The following TACR3 variants were observed in gnomAD, a reference collection of about 807,000 sequenced individuals.
TACR3 encodes the protein neuromedin-K receptor.
In TACR3, 34 loss-of-function variants were observed where a neutral mutation model predicts 35.0. The ratio of observed to expected loss-of-function variants is 0.97; its 90% CI spans 0.74 to 1.30. TACR3 has a LOEUF of 1.30. Ranked by LOEUF, TACR3 falls within the 50% of genes most tolerant of loss-of-function variation. The probability of loss-of-function intolerance (pLI) is 0.00; values close to 1 mark genes in which losing one functional copy is unlikely to be tolerated. For synonymous variants in TACR3, 233 were observed against 221.1 expected (o/e 1.05, Z -0.48); for missense variants, 558 against 591.7 (o/e 0.94, Z 0.59).
At chr4:103,604,811 G>GTATAATAATAAAA (rs1418659140) in intron 3 of TACR3, among the ~76,000 whole-genome samples, 1 of 147,594 alleles carries the variant, frequency 6.8e-6, no homozygotes, top group Non-Finnish European at 1.5e-5. Flanking sequence ...GGTCATTAGA[G>GTATAATAATAAAA]AGATAATAAT....
chr4:103,645,575 A>G (rs3796966), intron 3 of TACR3, among the ~76,000 whole-genome samples: 55,143 of 151,800 alleles, frequency 0.36, 10,666 homozygotes, highest in African/African-American at 0.5. Context: ...TAATTATCTT[A>G]ACTATAAATC....
chr4:103,632,550 T>G (rs1180242440), intron 3 of TACR3, among the ~76,000 whole-genome samples: 14 of 126,806 alleles, frequency 1.1e-4, no homozygotes, highest in East Asian at 2.2e-4. Flanking sequence ...GGGTGGGGGG[T>G]GAGGGGAGGG....
At chr4:103,644,352 A>G (rs1725417583) in intron 3 of TACR3, among the ~76,000 whole-genome samples, 1 of 151,902 alleles carries the variant, frequency 6.6e-6, no homozygotes, top group Admixed American at 6.6e-5. Flanking sequence ...CAGAAGTTTC[A>G]GATGTTTTCT....
At chr4:103,635,227 T>A (rs1489736850) in intron 3 of TACR3, among the ~76,000 whole-genome samples, 5 of 151,990 alleles carry the variant, frequency 3.3e-5, no homozygotes, top group Non-Finnish European at 7.4e-5. Flanking sequence ...CTAAAACATT[T>A]GCCTAAATGT....
intron 1 of TACR3, among the ~76,000 whole-genome samples, chr4:103,701,390 A>C (rs866456533): frequency 0.013 from 1,950 of 151,892 alleles, 17 homozygotes; most frequent in South Asian, 0.021. Flanking sequence ...CTGCTCAATG[A>C]AATAAAAGAG....
At chr4:103,702,818 A>G (rs1230096571) in intron 1 of TACR3, among the ~76,000 whole-genome samples, 5 of 148,498 alleles carry the variant, frequency 3.4e-5, no homozygotes, top group South Asian at 2.2e-4. Flanking sequence ...ACCAAACATC[A>G]CATGTTCTCA....
At chr4:103,712,444 C>T (rs1393108187) in intron 1 of TACR3, among the ~76,000 whole-genome samples, 3 of 152,100 alleles carry the variant, frequency 2.0e-5, no homozygotes, top group Non-Finnish European at 4.4e-5. Context: ...AAACTGGATC[C>T]CTTCCTTACA....
chr4:103,613,822 C>T (rs1040784411), intron 3 of TACR3, among the ~76,000 whole-genome samples: 20 of 152,200 alleles, frequency 1.3e-4, no homozygotes, highest in African/African-American at 4.8e-4. Context: ...GTGGCTACCA[C>T]CTCACTATGT....
At chr4:103,683,842 G>T (rs1217626638) in intron 1 of TACR3, among the ~76,000 whole-genome samples, 2 of 118,754 alleles carry the variant, frequency 1.7e-5, no homozygotes, top group East Asian at 5.1e-4. Context: ...GAGAGAGAAG[G>T]AGAGAGAGAG....
intron 3 of TACR3, among the ~76,000 whole-genome samples, 200 bp downstream of exon 3, chr4:103,655,994 T>C (rs1237169115): frequency 6.6e-6 from 1 of 152,044 alleles, no homozygotes; most frequent in Non-Finnish European, 1.5e-5. Flanking sequence ...ATGAATTAAC[T>C]ATTATATAAC....
intron 3 of TACR3, among the ~76,000 whole-genome samples, chr4:103,644,822 G>A (rs1243555994): frequency 6.6e-6 from 1 of 151,478 alleles, no homozygotes; most frequent in Non-Finnish European, 1.5e-5. Flanking sequence ...ATATTATTAT[G>A]ACAAATTATT....
intron 3 of TACR3, among the ~76,000 whole-genome samples, chr4:103,602,584 G>T (rs1260066980): frequency 1.3e-5 from 2 of 151,702 alleles, no homozygotes; most frequent in Non-Finnish European, 2.9e-5. Context: ...TGTCCTTTCT[G>T]TTTGTTAGTT....
intron 3 of TACR3, among the ~76,000 whole-genome samples, chr4:103,645,135 T>A (rs1725431958): frequency 6.6e-6 from 1 of 151,942 alleles, no homozygotes; most frequent in Non-Finnish European, 1.5e-5. Context: ...CCCTGAACAT[T>A]TACTACTGCT....
chr4:103,719,113 C>T lies in TACR3; in HGVS notation c.548+15G>A, dbSNP rs1235316398. 2 of 1,614,146 alleles carry T rather than the reference C, an allele frequency of 1.2e-6. No homozygotes were observed. The highest frequency in any genetic ancestry group is 1.7e-6 in the Non-Finnish European group (2 of 1,180,004). On this transcript the variant is annotated intron_variant, in intron 1 of 4. Transcript: ENST00000304883. The stretch of plus-strand genomic sequence containing the variant: ...TCCCTTCTCCCTCTTTCCTCTCTGT[C>T]TGTCCTCTCCTCACCTGTCCACCGC...
At chr4:103,602,482 T>G (rs1173875265) in intron 3 of TACR3, among the ~76,000 whole-genome samples, 1 of 77,362 alleles carries the variant, frequency 1.3e-5, no homozygotes, top group East Asian at 7.4e-4. Context: ...AGTTTCCAGT[T>G]TTTCTGCTCT....
chr4:103,643,707 A>C (rs1725403451), intron 3 of TACR3, among the ~76,000 whole-genome samples: 1 of 151,772 alleles, frequency 6.6e-6, no homozygotes, highest in Non-Finnish European at 1.5e-5. Context: ...GATTGTATAA[A>C]ATCTATAATA....
intron 3 of TACR3, among the ~76,000 whole-genome samples, chr4:103,623,658 G>C (rs1466249499): frequency 6.6e-6 from 1 of 152,074 alleles, no homozygotes. Flanking sequence ...GAGAGCAATA[G>C]AAACTGAATT....
At chr4:103,697,602 T>A (rs527833336) in intron 1 of TACR3, among the ~76,000 whole-genome samples, 18 of 152,014 alleles carry the variant, frequency 1.2e-4, no homozygotes, top group Admixed American at 1.2e-3. Context: ...TTTTTTGTAT[T>A]TTTAGTAGAG....
chr4:103,640,735 AT>A (rs34867104), intron 3 of TACR3, among the ~76,000 whole-genome samples: 4 of 150,934 alleles, frequency 2.7e-5, no homozygotes, highest in Non-Finnish European at 4.4e-5. Flanking sequence ...ACGTTATGAG[AT>A]TTTTTTTTAC....
Sources: gnomAD v4.1 joint callset for allele counts (sites outside exome capture counted in the v4.1 genomes callset) on GRCh38, gnomAD v4.1.1 for gene constraint, MANE v1.5 for transcripts, NCBI Gene and HGNC (gene_info 2026-07-23, HGNC 2026-07-21) for gene names.